The following DMD variants were observed in gnomAD, a reference collection of about 807,000 sequenced individuals.
The protein encoded by DMD is mutant dystrophin.
In DMD, 63 loss-of-function variants were observed where a neutral mutation model predicts 330.1. The ratio of observed to expected loss-of-function variants is 0.19; its 90% CI spans 0.16 to 0.24. The LOEUF (loss-of-function observed/expected upper bound fraction) is 0.24. Among genes scored for constraint, DMD ranks in the 10% least tolerant of loss-of-function variants. DMD has a pLI of 1.00. For missense variants in DMD, 3,344 were observed against 2,684.1 expected, an observed-to-expected ratio of 1.25 and a Z score of -5.43; for synonymous variants, 1,223 against 959.8, an observed-to-expected ratio of 1.27 and a Z score of -5.07.
chrX:31,338,309 CAAA>C (rs752828727), intron 61 of DMD, among the ~76,000 whole-genome samples: 824 of 53,358 alleles, frequency 0.015, 13 homozygotes, highest in Admixed American at 0.065. Flanking sequence ...AGTAAAAATA[CAAA>C]AAAAAAAAAA....
chrX:32,888,454 AAT>A (rs2084883607), intron 2 of DMD, among the ~76,000 whole-genome samples: 1 of 111,699 alleles, frequency 9.0e-6, no homozygotes, highest in African/African-American at 3.3e-5. Context: ...AAATTAAAAC[AAT>A]ATGCTATCAC....
chrX:31,817,277 A>G (rs1879196241), intron 50 of DMD, among the ~76,000 whole-genome samples: 2 of 112,178 alleles, frequency 1.8e-5, no homozygotes, highest in South Asian at 7.4e-4. Context: ...TGAAATAATA[A>G]ACATATACAA....
rs575768939 is a variant in DMD at position 32,103,858 on chromosome X, C to A, written c.6438+113058G>T. On this transcript the variant is annotated intron_variant, in intron 44 of 78. Transcript: ENST00000357033. ...GCACAATCTTATATAACCTTTTTTC[C>A]CCCCAGTGGCTATTCATTTAGGATA... 5.4e-5 allele frequency among the ~76,000 whole-genome samples: 6 copies of A among 111,553 alleles called. No homozygotes were observed. The East Asian group carries it at 1.4e-3, about 26-fold the overall frequency.
chrX:32,304,269 G>A (rs759109390), intron 42 of DMD, among the ~76,000 whole-genome samples: 1 of 111,501 alleles, frequency 9.0e-6, no homozygotes, highest in Admixed American at 9.6e-5. Context: ...TAATATGGAA[G>A]TTTCTGCTTT....
chrX:32,264,216 G>C (rs1054353616), intron 43 of DMD, among the ~76,000 whole-genome samples: 18 of 110,899 alleles, frequency 1.6e-4, no homozygotes, highest in Non-Finnish European at 2.6e-4. Context: ...TCCTTTGCTC[G>C]GCACTTCTCC....
chrX:32,926,959 C>T (rs1049895994), intron 2 of DMD, among the ~76,000 whole-genome samples: 22 of 110,975 alleles, frequency 2.0e-4, no homozygotes, highest in Non-Finnish European at 5.7e-5. Flanking sequence ...AACACATTTA[C>T]TAGGTTGTTA....
At chrX:31,131,535 A>C (rs1387036761) in intron 77 of DMD, among the ~76,000 whole-genome samples, 1 of 111,715 alleles carries the variant, frequency 9.0e-6, no homozygotes, top group East Asian at 2.8e-4. Flanking sequence ...ATCAAAACAG[A>C]GTCAGAAATC....
At chrX:31,555,198 T>G (rs892189996) in intron 55 of DMD, among the ~76,000 whole-genome samples, 23 of 111,725 alleles carry the variant, frequency 2.1e-4, no homozygotes, top group African/African-American at 7.5e-4. Flanking sequence ...CATTTGCCAA[T>G]TTCTGTGGTG....
At chrX:31,179,099 A>G (rs1279224553) in intron 69 of DMD, among the ~76,000 whole-genome samples, 1 of 112,583 alleles carries the variant, frequency 8.9e-6, no homozygotes, top group Non-Finnish European at 1.9e-5. Context: ...AGGCTACTCA[A>G]TAAATGGTAG....
intron 18 of DMD, among the ~76,000 whole-genome samples, chrX:32,505,083 G>A (rs2044483201): frequency 9.0e-6 from 1 of 111,238 alleles, no homozygotes; most frequent in East Asian, 2.8e-4. Context: ...GATAGCAGTG[G>A]AGAAAACAGA....
In DMD at chrX:32,219,405, C is replaced by G. The variant is rs575085001; in HGVS notation, c.6291-2342G>C. 5.3e-5 allele frequency among the ~76,000 whole-genome samples: 6 copies of G among 112,176 alleles called. No individual in the cohort carries two copies. The South Asian group carries it at 1.5e-3, about 28-fold the overall frequency. The stretch of plus-strand genomic sequence containing the variant: ...AATGAGAATCTAAAAATCTATGCAA[C>G]ATAGTTAGCATTGTTCCATACTGGT... On this transcript the variant is annotated intron_variant, in intron 43 of 78. Transcript: ENST00000357033.
chrX:33,179,693 C>CAA (rs758474479), intron 1 of DMD, among the ~76,000 whole-genome samples: 13 of 63,170 alleles, frequency 2.1e-4, no homozygotes, highest in African/African-American at 7.2e-4. Context: ...GACTCCGTCT[C>CAA]AAAAAAAAAA....
At chrX:33,032,776 T>TG (rs753330683) in intron 1 of DMD, among the ~76,000 whole-genome samples, 1 of 112,433 alleles carries the variant, frequency 8.9e-6, no homozygotes, top group Admixed American at 9.4e-5. Flanking sequence ...GTAATAGCAA[T>TG]GGTCAGTACT....
chrX:32,066,023 G>T (rs2096257793), intron 44 of DMD, among the ~76,000 whole-genome samples: 1 of 111,559 alleles, frequency 9.0e-6, no homozygotes, highest in Non-Finnish European at 1.9e-5. Flanking sequence ...CAGCCATGAA[G>T]GAATGTTTCT....
chrX:32,481,701 G>C (rs1183142168), intron 21 of DMD, among the ~76,000 whole-genome samples: 4 of 111,435 alleles, frequency 3.6e-5, no homozygotes, highest in Non-Finnish European at 7.6e-5. Context: ...CTCCAGGTTT[G>C]GTTCTAACAT....
Position 33,186,740 on chromosome X carries a change from A to G in DMD, c.31+24542T>C, listed in dbSNP as rs542791212. On this transcript the variant is annotated intron_variant, in intron 1 of 78. Transcript: ENST00000357033. ...CAGCGTGTAATTTCACCCTAGATACATCTACTGCTAATGATGGGTGAAATT... is the reference window on the plus strand; with the variant it reads ...CAGCGTGTAATTTCACCCTAGATACGTCTACTGCTAATGATGGGTGAAATT... Among the ~76,000 whole-genome samples, 62 of 111,819 alleles carry G rather than the reference A, an allele frequency of 5.5e-4. No homozygotes were observed. The South Asian group carries it at 0.022, about 40-fold the overall frequency.
At chrX:32,421,561 G>T (rs1034675086) in intron 29 of DMD, among the ~76,000 whole-genome samples, 1 of 111,815 alleles carries the variant, frequency 8.9e-6, no homozygotes, top group African/African-American at 3.3e-5. Flanking sequence ...CTGGCAGAAT[G>T]ATGCATTACA....
intron 66 of DMD, among the ~76,000 whole-genome samples, chrX:31,205,814 CAT>C (rs1298474087): frequency 8.9e-6 from 1 of 112,413 alleles, no homozygotes; most frequent in Non-Finnish European, 1.9e-5. Flanking sequence ...CATCTCCTCA[CAT>C]GTGTGGCTAG....
At chrX:31,803,762 C>T (rs982454879) in intron 50 of DMD, among the ~76,000 whole-genome samples, 4 of 109,326 alleles carry the variant, frequency 3.7e-5, no homozygotes, top group Non-Finnish European at 7.6e-5. Flanking sequence ...CGCAATGGCA[C>T]AATCTTGGCT....
Sources: allele counts gnomAD v4.1 joint callset (sites outside exome capture counted in the v4.1 genomes callset), GRCh38; gene constraint gnomAD v4.1.1; transcripts MANE v1.5; gene names NCBI Gene and HGNC (gene_info 2026-07-23, HGNC 2026-07-21).